LHFPL6: variants seen among roughly 807,000 people sequenced by gnomAD.
The protein encoded by LHFPL6 is LHFPL tetraspan subfamily member 6.
A neutral mutation model predicts 20.6 loss-of-function variants in LHFPL6; 9 were observed. The ratio of observed to expected loss-of-function variants is 0.44; its 90% CI spans 0.26 to 0.76. The LOEUF (loss-of-function observed/expected upper bound fraction) is 0.76, where lower values mean the gene tolerates loss of function less well. Ranked by LOEUF, LHFPL6 falls within the 30% of genes least tolerant of loss-of-function variation. The pLI, the probability that LHFPL6 is intolerant of heterozygous loss-of-function variation, is 0.20. For missense variants in LHFPL6, 218 were observed against 253.5 expected (o/e 0.86, Z 0.95); for synonymous variants, 105 against 98.7 (o/e 1.06, Z -0.38).
rs556413302 is a variant in LHFPL6, at chr13:39,425,463, A to C, written c.386-46937T>G. On this transcript the variant is annotated intron_variant, in intron 2 of 3. Transcript: ENST00000379589. Reference sequence around the variant, plus strand: ...AGTGGAATGGTTGAGCCATACAGTAAGTGTTTAACTTTTGAAGTCACTGCC... The same window carrying C: ...AGTGGAATGGTTGAGCCATACAGTACGTGTTTAACTTTTGAAGTCACTGCC... Among the ~76,000 whole-genome samples, 8 of 152,290 alleles carry C rather than the reference A, an allele frequency of 5.3e-5. No individual in the cohort carries two copies. In the East Asian group the frequency reaches 1.5e-3, roughly 29 times the overall value.
intron 2 of LHFPL6, among the ~76,000 whole-genome samples, chr13:39,439,854 G>A (rs1295529619): frequency 5.9e-5 from 9 of 152,306 alleles, no homozygotes; most frequent in Admixed American, 1.3e-4. Context: ...TGCAGAAGCA[G>A]AAGCTGCTAT....
intron 2 of LHFPL6, among the ~76,000 whole-genome samples, chr13:39,388,039 T>C (rs1185962454): frequency 6.6e-6 from 1 of 152,080 alleles, no homozygotes; most frequent in African/African-American, 2.4e-5. Flanking sequence ...GGTATAAAGA[T>C]GAGAAATGGG....
chr13:39,494,330 TC>T (rs1355925205), intron 2 of LHFPL6, among the ~76,000 whole-genome samples: 2 of 152,212 alleles, frequency 1.3e-5, no homozygotes, highest in Non-Finnish European at 2.9e-5. Context: ...ACCATTCATT[TC>T]CCCTGTGGTA....
chr13:39,472,630 A>G (rs933848544), intron 2 of LHFPL6, among the ~76,000 whole-genome samples: 1 of 151,832 alleles, frequency 6.6e-6, no homozygotes, highest in Non-Finnish European at 1.5e-5. Context: ...TGTGTGTGTG[A>G]TGGAGTCTCA....
At chr13:39,520,231 G>A (rs1870063305) in intron 2 of LHFPL6, among the ~76,000 whole-genome samples, 1 of 152,182 alleles carries the variant, frequency 6.6e-6, no homozygotes, top group South Asian at 2.1e-4. Flanking sequence ...CCTCTACACT[G>A]GAACAAACAC....
chr13:39,378,246 A>T (rs1870344938), intron 3 of LHFPL6, among the ~76,000 whole-genome samples, 182 bp downstream of exon 3: 1 of 152,190 alleles, frequency 6.6e-6, no homozygotes, highest in East Asian at 1.9e-4. Context: ...GTACTGAGCA[A>T]ACAGTAGATT....
intron 3 of LHFPL6, among the ~76,000 whole-genome samples, chr13:39,354,158 G>A (rs1363158743): frequency 6.6e-6 from 1 of 152,080 alleles, no homozygotes; most frequent in Non-Finnish European, 1.5e-5. Context: ...CTATCTGCCA[G>A]CCCTTACATG....
intron 3 of LHFPL6, among the ~76,000 whole-genome samples, chr13:39,358,507 C>G (rs1869784699): frequency 6.6e-6 from 1 of 151,874 alleles, no homozygotes; most frequent in African/African-American, 2.4e-5. Flanking sequence ...GCTAAGTCCT[C>G]AAAAACAATT....
chr13:39,392,588 C>T (rs1870737816), intron 2 of LHFPL6, among the ~76,000 whole-genome samples: 2 of 146,344 alleles, frequency 1.4e-5, no homozygotes, highest in Non-Finnish European at 3.0e-5. Flanking sequence ...GAGCTAAACT[C>T]CGTCTCAAAA....
intron 2 of LHFPL6, among the ~76,000 whole-genome samples, chr13:39,399,028 G>A (rs952706553): frequency 6.6e-5 from 10 of 152,184 alleles, no homozygotes; most frequent in Non-Finnish European, 1.5e-4. Flanking sequence ...CGACACAAGT[G>A]TGGCCAACCT....
intron 2 of LHFPL6, among the ~76,000 whole-genome samples, chr13:39,540,703 T>C (rs1319887338): frequency 2.0e-5 from 3 of 152,146 alleles, no homozygotes; most frequent in East Asian, 1.9e-4. Context: ...CATTGGACAA[T>C]ACTTCCCTAA....
chr13:39,552,801 A>T (rs1334106388), intron 2 of LHFPL6, among the ~76,000 whole-genome samples: 2 of 152,230 alleles, frequency 1.3e-5, no homozygotes, highest in African/African-American at 4.8e-5. Flanking sequence ...GCACAGTTAC[A>T]TATTTAGCCA....
At chr13:39,531,850 ATGGGGGAAAAGG>A (rs1870476983) in intron 2 of LHFPL6, among the ~76,000 whole-genome samples, 1 of 152,164 alleles carries the variant, frequency 6.6e-6, no homozygotes, top group South Asian at 2.1e-4. Flanking sequence ...AAGGAGAGTC[ATGGGGGAAAAGG>A]TCACGTGATA....
intron 2 of LHFPL6, among the ~76,000 whole-genome samples, chr13:39,579,034 A>G (rs1030884012): frequency 2.0e-5 from 3 of 152,220 alleles, no homozygotes; most frequent in African/African-American, 7.2e-5. Context: ...CAGAAGATTC[A>G]GTGTGGCTAA....
At chr13:39,494,526 C>G (rs542053856) in intron 2 of LHFPL6, among the ~76,000 whole-genome samples, 49 of 152,308 alleles carry the variant, frequency 3.2e-4, no homozygotes, top group Admixed American at 6.5e-4. Context: ...CCATACAGCC[C>G]ACCATGCTCA....
intron 2 of LHFPL6, among the ~76,000 whole-genome samples, chr13:39,475,951 AT>A (rs1873075594): frequency 6.6e-6 from 1 of 152,248 alleles, no homozygotes; most frequent in African/African-American, 2.4e-5. Context: ...GAGCTCCACA[AT>A]GAAGGGAATA....
At chr13:39,385,940 TTA>T (rs1870552707) in intron 2 of LHFPL6, among the ~76,000 whole-genome samples, 1 of 152,152 alleles carries the variant, frequency 6.6e-6, no homozygotes. Flanking sequence ...TTTCCACTGT[TTA>T]TTTTATTTTT....
intron 2 of LHFPL6, among the ~76,000 whole-genome samples, chr13:39,459,444 G>T (rs1313030956): frequency 6.6e-6 from 1 of 151,836 alleles, no homozygotes; most frequent in East Asian, 1.9e-4. Context: ...TGTGCCAGCT[G>T]CCAGGGACAC....
At position 39,601,816 on chromosome 13, in the gene LHFPL6, C is replaced by T. The variant is rs1348595407; in HGVS notation, c.-174-426G>A. Among the ~76,000 whole-genome samples the T allele has an allele frequency of 1.3e-4, 20 of 152,160 alleles. 1 individual carries two copies. Reference sequence around the variant, plus strand: ...AGTTTGTTGCAACTTTTCTATGTCCCTTTAAGGGTGCATTAACTCTCTGCA... The same window carrying T: ...AGTTTGTTGCAACTTTTCTATGTCCTTTTAAGGGTGCATTAACTCTCTGCA... On this transcript the variant is annotated intron_variant, in intron 1 of 3. Transcript: ENST00000379589.
Sources: gnomAD v4.1 joint callset for allele counts (sites outside exome capture counted in the v4.1 genomes callset) on GRCh38, gnomAD v4.1.1 for gene constraint, MANE v1.5 for transcripts, NCBI Gene and HGNC (gene_info 2026-07-23, HGNC 2026-07-21) for gene names.